Variants in FRMD4A observed in about 807,000 individuals in gnomAD.
FRMD4A encodes FERM domain-containing protein 4A.
A neutral mutation model predicts 129.1 loss-of-function variants in FRMD4A; 29 were observed. That is an observed-to-expected ratio of 0.22 (90% confidence interval 0.17 to 0.31). FRMD4A has a LOEUF of 0.31. Ranked by LOEUF, FRMD4A falls within the 10% of genes least tolerant of loss-of-function variation. The pLI is 1.00. For synonymous variants in FRMD4A, 634 were observed against 571.6 expected, an observed-to-expected ratio of 1.11 and a Z score of -1.56; for missense variants, 1,272 against 1,375.8, an observed-to-expected ratio of 0.92 and a Z score of 1.19.
chr10:14,038,421 A>T (rs909123414), intron 2 of FRMD4A, among the ~76,000 whole-genome samples: 1 of 152,248 alleles, frequency 6.6e-6, no homozygotes, highest in Admixed American at 6.5e-5. Context: ...TATGCCACGC[A>T]TACCTGTTAG....
At chr10:13,904,252 A>G (rs1301538586) in intron 2 of FRMD4A, among the ~76,000 whole-genome samples, 1 of 26,628 alleles carries the variant, frequency 3.8e-5, no homozygotes, top group Non-Finnish European at 8.4e-5. Flanking sequence ...CCAGCCAAGG[A>G]GAACGCTCCT....
chr10:13,975,386 T>G (rs757903008), intron 2 of FRMD4A, among the ~76,000 whole-genome samples: 8 of 152,004 alleles, frequency 5.3e-5, no homozygotes, highest in Non-Finnish European at 1.2e-4. Flanking sequence ...ACTGCATATG[T>G]CTTTGTCTCT....
intron 2 of FRMD4A, among the ~76,000 whole-genome samples, chr10:14,280,308 G>T (rs542370873): frequency 7.5e-4 from 114 of 151,848 alleles, no homozygotes; most frequent in South Asian, 1.3e-3. Context: ...ATCAACATCA[G>T]AAAATACTTT....
chr10:14,039,460 ATCT>A (rs766661282), intron 2 of FRMD4A, among the ~76,000 whole-genome samples: 9,984 of 68,158 alleles, frequency 0.15, 406 homozygotes, highest in East Asian at 0.19. Context: ...CAATCAATCT[ATCT>A]ATCTATCTAT....
intron 2 of FRMD4A, among the ~76,000 whole-genome samples, chr10:13,969,687 AC>A (rs1420915861): frequency 1.3e-5 from 2 of 152,168 alleles, no homozygotes; most frequent in African/African-American, 2.4e-5. Context: ...CCCCATCTCT[AC>A]AAAAAAATTC....
At chr10:13,975,846 C>T (rs1588648575) in intron 2 of FRMD4A, among the ~76,000 whole-genome samples, 1 of 152,186 alleles carries the variant, frequency 6.6e-6, no homozygotes, top group Non-Finnish European at 1.5e-5. Flanking sequence ...CACACTGTGA[C>T]GAAGCTGGAG....
chr10:14,270,318 T>C (rs1453477619), intron 2 of FRMD4A, among the ~76,000 whole-genome samples: 1 of 152,244 alleles, frequency 6.6e-6, no homozygotes, highest in African/African-American at 2.4e-5. Context: ...ATGTCAGTTC[T>C]GTCTCTCTGG....
chr10:13,697,333 A>G (rs1223445859), intron 14 of FRMD4A, among the ~76,000 whole-genome samples: 1 of 152,112 alleles, frequency 6.6e-6, no homozygotes, highest in Non-Finnish European at 1.5e-5. Context: ...TTTTTAGTAG[A>G]TACGGGGTTT....
At chr10:13,844,081 AGT>A (rs529729839) in intron 3 of FRMD4A, among the ~76,000 whole-genome samples, 1 of 151,938 alleles carries the variant, frequency 6.6e-6, no homozygotes, top group East Asian at 1.9e-4. Flanking sequence ...TATGTAGGAG[AGT>A]GTGTGTGTGT....
At chr10:14,275,010 A>G (rs1845289970) in intron 2 of FRMD4A, among the ~76,000 whole-genome samples, 1 of 152,138 alleles carries the variant, frequency 6.6e-6, no homozygotes, top group Non-Finnish European at 1.5e-5. Flanking sequence ...GTGATCTTAG[A>G]CTGTTCTAGC....
At chr10:14,311,225 C>A (rs1369935593) in intron 2 of FRMD4A, among the ~76,000 whole-genome samples, 1 of 152,188 alleles carries the variant, frequency 6.6e-6, no homozygotes, top group African/African-American at 2.4e-5. Flanking sequence ...ACCTCCTCCT[C>A]CCCCACCATC....
At chr10:14,140,109 T>C (rs569423669) in intron 2 of FRMD4A, among the ~76,000 whole-genome samples, 1 of 152,320 alleles carries the variant, frequency 6.6e-6, no homozygotes, top group Admixed American at 6.5e-5. Flanking sequence ...TTACCCAGGC[T>C]GGAGTGCACT....
At chr10:14,274,392 G>A (rs574165107) in intron 2 of FRMD4A, among the ~76,000 whole-genome samples, 1 of 152,290 alleles carries the variant, frequency 6.6e-6, no homozygotes, top group South Asian at 2.1e-4. Context: ...CCCACCTCAG[G>A]TCACATAGTG....
chr10:14,316,975 C>G (rs1425852279), intron 2 of FRMD4A, among the ~76,000 whole-genome samples: 1 of 152,244 alleles, frequency 6.6e-6, no homozygotes, highest in African/African-American at 2.4e-5. Flanking sequence ...AATCCACACT[C>G]TCTCCCATTC....
intron 2 of FRMD4A, among the ~76,000 whole-genome samples, chr10:13,985,846 C>T (rs982639359): frequency 6.6e-6 from 1 of 152,232 alleles, no homozygotes; most frequent in Non-Finnish European, 1.5e-5. Context: ...TCTGCCAGCC[C>T]TGGCGATGCT....
chr10:14,218,921 C>T (rs1335322587), intron 2 of FRMD4A, among the ~76,000 whole-genome samples: 1 of 122,560 alleles, frequency 8.2e-6, no homozygotes, highest in Non-Finnish European at 1.6e-5. Context: ...CACCACTGCA[C>T]TCCAGCCTGG....
intron 2 of FRMD4A, among the ~76,000 whole-genome samples, chr10:14,205,688 T>G (rs1350769749): frequency 6.6e-6 from 1 of 151,012 alleles, no homozygotes; most frequent in Non-Finnish European, 1.5e-5. Context: ...GCACCTGTAG[T>G]CCCAGCTACT....
intron 2 of FRMD4A, among the ~76,000 whole-genome samples, chr10:14,133,516 G>A (rs1242382138): frequency 6.6e-6 from 1 of 152,180 alleles, no homozygotes; most frequent in Non-Finnish European, 1.5e-5. Context: ...GGCCACCATG[G>A]GGAGGGCTTG....
chr10:13,874,663 C>G (rs2094471901), intron 2 of FRMD4A, among the ~76,000 whole-genome samples: 1 of 152,172 alleles, frequency 6.6e-6, no homozygotes, highest in African/African-American at 2.4e-5. Flanking sequence ...CTAACACCTT[C>G]CAGGAAATAG....
Sources: allele counts gnomAD v4.1 joint callset (sites outside exome capture counted in the v4.1 genomes callset), GRCh38; gene constraint gnomAD v4.1.1; transcripts MANE v1.5; gene names NCBI Gene and HGNC (gene_info 2026-07-23, HGNC 2026-07-21).